The following ICE2 variants were observed in gnomAD, a reference collection of about 807,000 sequenced individuals.
ICE2 encodes little elongation complex subunit 2.
A neutral mutation model predicts 105.4 loss-of-function variants in ICE2; 87 were observed. The observed-to-expected ratio is 0.83, with a 90% CI of 0.69 to 0.99. ICE2 has a LOEUF of 0.99. Ranked by LOEUF, ICE2 falls within the 50% of genes least tolerant of loss-of-function variation. The pLI, the probability that ICE2 is intolerant of heterozygous loss-of-function variation, is 0.00. For missense variants in ICE2, 1,323 were observed against 1,146.7 expected, an observed-to-expected ratio of 1.15 and a Z score of -2.22; for synonymous variants, 399 against 392.0, an observed-to-expected ratio of 1.02 and a Z score of -0.21.
intron 14 of ICE2, among the ~76,000 whole-genome samples, chr15:60,428,998 A>G (rs193201955): frequency 1.3e-5 from 2 of 152,352 alleles, no homozygotes; most frequent in East Asian, 3.9e-4. Flanking sequence ...TAGATTAGAT[A>G]TTTATAGGTA....
intron 2 of ICE2, among the ~76,000 whole-genome samples, chr15:60,477,255 G>A (rs2064787369): frequency 6.6e-6 from 1 of 152,194 alleles, no homozygotes; most frequent in Non-Finnish European, 1.5e-5. Context: ...TAAAAACAAA[G>A]TAAAGGGTCT....
intron 13 of ICE2, 146 bp from the exon 14 acceptor site, chr15:60,432,130 T>A: frequency 2.6e-6 from 1 of 390,488 alleles, no homozygotes; most frequent in Non-Finnish European, 4.7e-6. Context: ...TGAAACTTAT[T>A]TCTATTTGGA....
At chr15:60,451,540 T>G in intron 9 of ICE2, 2 of 982,654 alleles carry the variant, frequency 2.0e-6, no homozygotes, top group Non-Finnish European at 1.2e-6. Context: ...GCAACATAAA[T>G]TAGACTAATA....
chr15:60,420,599 T>A lies in ICE2; in HGVS notation c.*3035A>T, dbSNP rs2063233474. 1 of 152,232 alleles carries A rather than the reference T, an allele frequency of 6.6e-6. No homozygotes were observed. Among genetic ancestry groups the A allele is most frequent in the Non-Finnish European group, 1.5e-5 (1 of 68,054 alleles). The allele number at this position is 152,232 out of a possible 1,614,324, so 9.4% of individuals were successfully genotyped here. A position where few individuals can be genotyped will look rare whatever the true frequency, so the allele number is the denominator to read the frequency against. ...CTGCAGTTTTCTCTCTCATCTCCCA[T>A]GTTCATAGCCTATAATCTCTCCAAC... On this transcript the variant is annotated 3_prime_UTR_variant, in exon 16 of 16. Transcript: ENST00000261520.
At chr15:60,436,704 G>C (rs1432128871) in intron 12 of ICE2, among the ~76,000 whole-genome samples, 2 of 112,316 alleles carry the variant, frequency 1.8e-5, no homozygotes, top group Non-Finnish European at 3.4e-5. Flanking sequence ...GGTGGTGACA[G>C]AGCCAGACTC....
chr15:60,444,978 C>G (rs1356691525), intron 11 of ICE2, among the ~76,000 whole-genome samples: 1 of 152,168 alleles, frequency 6.6e-6, no homozygotes. Flanking sequence ...AGCCACCGTG[C>G]CTGGCCTAGC....
chr15:60,477,944 G>C lies in ICE2; in HGVS notation c.34C>G (p.Leu12Val). Residue 12 changes from leucine to valine, a missense_variant, in exon 2 of 16, where the codon CTG (leucine) becomes GTG (valine). Transcript: ENST00000261520. ...AAAGTGGCTACAACTCACCAATTCA[G>C]TCCTGGTTCACTTATGACCATCTTG... ...SSKMVISEPG[L>V]NWDISPKNGL... is the part of the protein sequence containing the mutation. 2 of 1,613,906 alleles carry C rather than the reference G, an allele frequency of 1.2e-6. No individual in the cohort carries two copies. The highest frequency in any genetic ancestry group is 1.3e-5 in the African/African-American group (1 of 75,026).
At chr15:60,477,383 A>G (rs983581477) in intron 2 of ICE2, among the ~76,000 whole-genome samples, 1 of 152,240 alleles carries the variant, frequency 6.6e-6, no homozygotes, top group Non-Finnish European at 1.5e-5. Context: ...GTAACCATTT[A>G]TAACATTTGA....
chr15:60,453,743 G>A lies in ICE2; in HGVS notation c.985C>T (p.Pro329Ser), dbSNP rs1486498652. ...VKVIYINSPLPQKKMTMRERN... is the reference protein window; with the variant it reads ...VKVIYINSPLSQKKMTMRERN... ...TCTCTCATAGTCATTTTCTTTTGGG[G>A]AAGTGGTGAATTAATATATATTACT... The change falls in exon 9 of 16, where the codon CCC (proline) becomes TCC (serine). Residue 329 changes from proline (P) to serine (S), a missense_variant. By Grantham distance (74) the Pro-to-Ser change is moderately conservative. Transcript: ENST00000261520. 1 of 1,596,584 alleles carries A rather than the reference G, an allele frequency of 6.3e-7. No individual in the cohort carries two copies. Among genetic ancestry groups the A allele is most frequent in the Non-Finnish European group, 8.6e-7 (1 of 1,164,324 alleles).
At chr15:60,426,279 A>G (rs900386804) in intron 15 of ICE2, among the ~76,000 whole-genome samples, 1 of 152,302 alleles carries the variant, frequency 6.6e-6, no homozygotes, top group East Asian at 1.9e-4. Flanking sequence ...TAACAGTGCA[A>G]TGTATTACCT....
rs749727336 is a variant in ICE2 at position 60,468,285 on chromosome 15, C to G, written c.184G>C (p.Val62Leu). ...GAACTAACTGCCGGCTCATTTTCTA[C>G]AGAACTTGCTGAGGCATTCAAATTT... is the stretch of plus-strand genomic sequence containing the variant. ...GENLNASASS[V>L]ENEPAVSSAT... Residue 62 changes from valine to leucine, a missense_variant, in exon 4 of 16, where the codon GTA becomes CTA. Coordinates refer to ENST00000261520, the MANE Select transcript of ICE2 (RefSeq NM_024611.6). 40 of 1,612,170 alleles carry G rather than the reference C, an allele frequency of 2.5e-5. No individual in the cohort carries two copies. In the Middle Eastern group the frequency reaches 4.9e-4, roughly 20 times the overall value.
chr15:60,428,894 T>G (rs1226324651), intron 14 of ICE2, among the ~76,000 whole-genome samples: 1 of 152,238 alleles, frequency 6.6e-6, no homozygotes, highest in African/African-American at 2.4e-5. Flanking sequence ...TATTCCAAAG[T>G]TCAGAATAGT....
rs1046505376 is a variant in ICE2 at position 60,466,639 on chromosome 15, C to A, written c.483G>T (p.Ala161=). 2 of 1,611,574 alleles carry A rather than the reference C, an allele frequency of 1.2e-6. No homozygotes were observed. The highest frequency in any genetic ancestry group is 2.7e-5 in the African/African-American group (2 of 74,876). The change falls in exon 5 of 16, where the codon GCG becomes GCT. Residue 161 remains alanine (A), a synonymous_variant. Coordinates refer to ENST00000261520, the MANE Select transcript of ICE2 (RefSeq NM_024611.6). The part of the protein sequence containing the change: ...KFLQNSAKKC[A]QDYNMLSDDA... ...CATCAGAAAGCATATTATAATCCTG[C>A]GCACATTTCTTTGCAGAATTCTGCA... is the stretch of plus-strand genomic sequence containing the variant.
chr15:60,431,308 C>T (rs2063455918), intron 14 of ICE2, among the ~76,000 whole-genome samples: 1 of 151,894 alleles, frequency 6.6e-6, no homozygotes. Context: ...AATCGTTTTG[C>T]AGGTGTGATT....
chr15:60,456,500 T>C (rs1352189908), intron 6 of ICE2, among the ~76,000 whole-genome samples, 157 bp downstream of exon 6: 1 of 140,124 alleles, frequency 7.1e-6, no homozygotes, highest in Non-Finnish European at 1.5e-5. Flanking sequence ...GCCGAGATCA[T>C]GCCATTACAC....
chr15:60,472,543 A>G (rs1012169283), intron 3 of ICE2, among the ~76,000 whole-genome samples: 4 of 152,234 alleles, frequency 2.6e-5, no homozygotes, highest in African/African-American at 9.6e-5. Flanking sequence ...TTTGTGCTCT[A>G]TAGAAATCTA....
chr15:60,449,547 T>C lies in ICE2; in HGVS notation c.1420A>G (p.Met474Val). The C allele has an allele frequency of 1.9e-6, 3 of 1,614,174 alleles. No individual in the cohort carries two copies. The highest frequency in any genetic ancestry group is 2.7e-5 in the African/African-American group (2 of 75,056). The change falls in exon 10 of 16, where the codon ATG (methionine) becomes GTG (valine). Residue 474 changes from methionine (M) to valine (V), a missense_variant. Met to Val is a conservative substitution (Grantham distance 21, BLOSUM62 1). Coordinates refer to ENST00000261520, the MANE Select transcript of ICE2 (RefSeq NM_024611.6). ...LQKEKQLVTG[M>V]DGGPEECKNK... ...TTGCATTCCTCAGGGCCACCATCCATACCAGTGACCAGCTGTTTCTCCTTT... is the reference window on the plus strand; with the variant it reads ...TTGCATTCCTCAGGGCCACCATCCACACCAGTGACCAGCTGTTTCTCCTTT...
chr15:60,423,638 G>A lies in ICE2; in HGVS notation c.2945C>T (p.Thr982Ile), dbSNP rs758619744. 7 of 1,606,096 alleles carry A rather than the reference G, an allele frequency of 4.4e-6. No homozygotes were observed. In the South Asian group the frequency reaches 6.6e-5, roughly 15 times the overall value. ...TAGTTTTCCATGGTACAGTCCTCAA[G>A]TTATTTTTCTTTTATGTGGAGCCAC... ...EGVAPHKRKI[T>I] Residue 982 changes from threonine to isoleucine, a missense_variant, in exon 16 of 16, where the codon ACT becomes ATT. Transcript: ENST00000261520.
chr15:60,448,004 C>T lies in ICE2; in HGVS notation c.2261G>A (p.Arg754Lys). The T allele has an allele frequency of 6.2e-7, 1 of 1,611,378 alleles. No homozygotes were observed. Among genetic ancestry groups the T allele is most frequent in the Non-Finnish European group, 8.5e-7 (1 of 1,179,266 alleles). The change falls in exon 11 of 16, where the codon AGA becomes AAA. Residue 754 changes from arginine to lysine, a missense_variant. By Grantham distance (26) the Arg-to-Lys change is conservative (BLOSUM62 2). Coordinates refer to ENST00000261520, the MANE Select transcript of ICE2 (RefSeq NM_024611.6). ...TTTCTTCCGTTTTTTAGAACGTGGT[C>T]TTGTCTCTATCCTCTGGACACTGCA... ...VRCSVQRIETRPRSKKRKKIR... is the reference protein window; with the variant it reads ...VRCSVQRIETKPRSKKRKKIR...
Sources: allele counts gnomAD v4.1 joint callset (sites outside exome capture counted in the v4.1 genomes callset), GRCh38; gene constraint gnomAD v4.1.1; transcripts MANE v1.5; gene names NCBI Gene and HGNC (gene_info 2026-07-23, HGNC 2026-07-21).